The following C10orf143 variants were observed in gnomAD, a reference collection of about 807,000 sequenced individuals.
C10orf143 encodes the protein uncharacterized protein C10orf143.
At chr10:130,093,787 C>A (rs961965731) in intron 1 of C10orf143, among the ~76,000 whole-genome samples, 1 of 151,892 alleles carries the variant, frequency 6.6e-6, no homozygotes, top group African/African-American at 2.4e-5. Context: ...CCGAGGCGGG[C>A]GGATCACGAG....
intron 1 of C10orf143, among the ~76,000 whole-genome samples, chr10:130,094,450 T>A (rs1210528897): frequency 6.6e-6 from 1 of 152,228 alleles, no homozygotes; most frequent in Non-Finnish European, 1.5e-5. Context: ...TCAATATCCC[T>A]GATGAACATT....
intron 3 of C10orf143, among the ~76,000 whole-genome samples, chr10:130,037,175 C>A (rs1195001035): frequency 6.6e-6 from 1 of 152,192 alleles, no homozygotes; most frequent in African/African-American, 2.4e-5. Flanking sequence ...AGGGCGATGC[C>A]CTCTGCCCTG....
At chr10:130,102,739 C>T (rs1419091411) in intron 1 of C10orf143, among the ~76,000 whole-genome samples, 1 of 152,112 alleles carries the variant, frequency 6.6e-6, no homozygotes, top group Non-Finnish European at 1.5e-5. Context: ...TTGTTAGATG[C>T]ATAAACATTG....
At chr10:130,106,378 G>C in intron 1 of C10orf143, 1 of 1,602,436 alleles carries the variant, frequency 6.2e-7, no homozygotes, top group Non-Finnish European at 8.5e-7. Context: ...TAGCGTCATC[G>C]TTAGAGGATG....
At chr10:130,053,500 G>C (rs940126346) in intron 3 of C10orf143, among the ~76,000 whole-genome samples, 3 of 152,174 alleles carry the variant, frequency 2.0e-5, no homozygotes, top group African/African-American at 7.2e-5. Context: ...CAGACCCCCT[G>C]GTTCTTGCCT....
At chr10:130,042,428 A>G (rs1264266601) in intron 3 of C10orf143, among the ~76,000 whole-genome samples, 1 of 152,270 alleles carries the variant, frequency 6.6e-6, no homozygotes, top group Non-Finnish European at 1.5e-5. Flanking sequence ...CCTCAGAAGA[A>G]ACATTGTGAT....
chr10:130,110,128 AC>A (rs559744680), intron 1 of C10orf143, among the ~76,000 whole-genome samples: 56 of 152,214 alleles, frequency 3.7e-4, no homozygotes, highest in Admixed American at 1.1e-3. Flanking sequence ...TACCTGACTT[AC>A]CCACGCACCC....
chr10:130,103,725 G>A (rs886575963), intron 1 of C10orf143, among the ~76,000 whole-genome samples: 8 of 151,826 alleles, frequency 5.3e-5, no homozygotes, highest in African/African-American at 9.7e-5. Context: ...CAGGAGGATC[G>A]CTTGAACCCA....
intron 1 of C10orf143, among the ~76,000 whole-genome samples, chr10:130,086,959 G>A (rs1486584459): frequency 6.6e-6 from 1 of 152,200 alleles, no homozygotes; most frequent in Non-Finnish European, 1.5e-5. Flanking sequence ...AGGGGCGCAG[G>A]GGGCTGAAGG....
chr10:130,109,172 G>A (rs1239627794), intron 1 of C10orf143, among the ~76,000 whole-genome samples: 5 of 152,118 alleles, frequency 3.3e-5, no homozygotes, highest in African/African-American at 4.8e-5. Context: ...ACACACTACT[G>A]TAGCCACAAG....
chr10:130,083,254 A>C (rs1176834820), intron 1 of C10orf143, among the ~76,000 whole-genome samples: 1 of 152,234 alleles, frequency 6.6e-6, no homozygotes, highest in Non-Finnish European at 1.5e-5. Flanking sequence ...GAATGGCAAA[A>C]ATTGTAGAAT....
At chr10:130,078,481 G>A (rs942872680) in intron 3 of C10orf143, among the ~76,000 whole-genome samples, 1 of 152,146 alleles carries the variant, frequency 6.6e-6, no homozygotes, top group Non-Finnish European at 1.5e-5. Context: ...AATTCAAGTT[G>A]CTGGATCTTT....
At chr10:130,108,559 TATA>T in intron 1 of C10orf143, 2 of 603,878 alleles carry the variant, frequency 3.3e-6, no homozygotes, top group South Asian at 2.0e-5. Flanking sequence ...TTAATGGAAT[TATA>T]ATTCTTAGGA....
At chr10:130,093,787 C>T (rs961965731) in intron 1 of C10orf143, among the ~76,000 whole-genome samples, 15 of 152,010 alleles carry the variant, frequency 9.9e-5, no homozygotes, top group South Asian at 6.2e-4. Context: ...CCGAGGCGGG[C>T]GGATCACGAG....
intron 3 of C10orf143, among the ~76,000 whole-genome samples, chr10:130,048,453 A>G (rs910998085): frequency 6.6e-6 from 1 of 151,648 alleles, no homozygotes; most frequent in African/African-American, 2.4e-5. Context: ...CTGGATACAC[A>G]CTCGCCTAAG....
intron 1 of C10orf143, among the ~76,000 whole-genome samples, chr10:130,085,515 G>T (rs570044957): frequency 6.6e-6 from 1 of 152,280 alleles, no homozygotes; most frequent in Admixed American, 6.5e-5. Flanking sequence ...AAGTGTCACA[G>T]ATTGGAAGAG....
chr10:130,053,430 A>G (rs2134734544), intron 3 of C10orf143, among the ~76,000 whole-genome samples: 1 of 152,326 alleles, frequency 6.6e-6, no homozygotes, highest in South Asian at 2.1e-4. Context: ...ATACTTCAGG[A>G]TGTTTTTTAA....
downstream of C10orf143, among the ~76,000 whole-genome samples, chr10:130,061,111 T>G (rs1860852986): frequency 6.6e-6 from 1 of 152,184 alleles, no homozygotes. Flanking sequence ...CACTCCAGCC[T>G]GGGTAACAGG....
At chr10:130,101,849 C>T (rs1410609230) in intron 1 of C10orf143, among the ~76,000 whole-genome samples, 1 of 26,928 alleles carries the variant, frequency 3.7e-5, no homozygotes, top group African/African-American at 6.8e-5. Flanking sequence ...GACTCTGTCT[C>T]AAAAAAAAAA....
Sources: allele counts gnomAD v4.1 joint callset (sites outside exome capture counted in the v4.1 genomes callset), GRCh38; gene constraint gnomAD v4.1.1; transcripts MANE v1.5; gene names NCBI Gene and HGNC (gene_info 2026-07-23, HGNC 2026-07-21).